Variants in NSUN6 observed in about 807,000 individuals in gnomAD.
NSUN6 encodes the protein tRNA (cytosine(72)-C(5))-methyltransferase NSUN6.
In NSUN6, 64 loss-of-function variants were observed where a neutral mutation model predicts 58.0. The ratio of observed to expected loss-of-function variants is 1.10; its 90% CI spans 0.90 to 1.36. The LOEUF (loss-of-function observed/expected upper bound fraction) is 1.36. Ranked by LOEUF, NSUN6 falls within the 40% of genes most tolerant of loss-of-function variation. The pLI, the probability that NSUN6 is intolerant of heterozygous loss-of-function variation, is 0.00. For missense variants in NSUN6, 701 were observed against 550.1 expected (o/e 1.27, Z -2.74); for synonymous variants, 231 against 193.9 (o/e 1.19, Z -1.59).
intron 6 of NSUN6, among the ~76,000 whole-genome samples, chr10:18,606,564 G>A (rs1397394984): frequency 2.0e-5 from 3 of 152,274 alleles, no homozygotes; most frequent in South Asian, 2.1e-4. Context: ...CATTCATAAC[G>A]TAGTAACACA....
At chr10:18,653,882 A>C (rs1483978429), upstream of NSUN6, among the ~76,000 whole-genome samples, 3 of 152,210 alleles carry the variant, frequency 2.0e-5, no homozygotes, top group Non-Finnish European at 4.4e-5. Flanking sequence ...TATGGGCGAC[A>C]TGGCTCCCCA....
chr10:18,568,555 C>A (rs1055946825), intron 8 of NSUN6, among the ~76,000 whole-genome samples: 3 of 149,580 alleles, frequency 2.0e-5, no homozygotes, highest in East Asian at 4.0e-4. Flanking sequence ...CCAATCCATT[C>A]TCCTTTCCAT....
intron 2 of NSUN6, among the ~76,000 whole-genome samples, chr10:18,644,862 A>C (rs1447163266): frequency 6.8e-6 from 1 of 147,524 alleles, no homozygotes; most frequent in Non-Finnish European, 1.5e-5. Flanking sequence ...AAAAAAAAAA[A>C]CTGAAAACGT....
chr10:18,610,128 C>T (rs1435048420), intron 5 of NSUN6, among the ~76,000 whole-genome samples: 2 of 151,768 alleles, frequency 1.3e-5, no homozygotes, highest in South Asian at 2.1e-4. Context: ...AAGACCAGCC[C>T]GACCAACATG....
rs2133363159 is a variant in NSUN6, at chr10:18,545,781, C to T, written c.*152G>A. On this transcript the variant is annotated 3_prime_UTR_variant, in exon 11 of 11. Transcript: ENST00000377304. The stretch of plus-strand genomic sequence containing the variant: ...ATACCACCCCCTACTTCCTCTATGT[C>T]TCTGGATCCCTGGTAAAACAGCTGG... 1.6e-6 allele frequency: 1 copy of T among 627,674 alleles called. No homozygotes were observed. The highest frequency in any genetic ancestry group is 1.9e-5 in the South Asian group (1 of 51,742). 38.9% of individuals were successfully genotyped at this position (627,674 alleles called of 1,614,324 possible).
In NSUN6 at chr10:18,556,830, T is replaced by C. The variant is rs191176420; in HGVS notation, c.923-4859A>G. 1.2e-4 allele frequency among the ~76,000 whole-genome samples: 18 copies of C among 144,068 alleles called. No homozygotes were observed. The East Asian group carries it at 3.1e-3, about 25-fold the overall frequency. The allele number at this position is 144,068 out of a possible 152,430, so 94.5% of individuals were successfully genotyped here. ...AACTGAAATGGAGAGTGGAATGCAA[T>C]GGAGAATGCAAGGGAATGGAATGGA... On this transcript the variant is annotated intron_variant, in intron 8 of 10. Coordinates refer to ENST00000377304, the MANE Select transcript of NSUN6 (RefSeq NM_182543.5).
intron 6 of NSUN6, among the ~76,000 whole-genome samples, chr10:18,604,682 A>G (rs11015099): frequency 0.52 from 79,080 of 151,430 alleles, 21,298 homozygotes; most frequent in East Asian, 0.97. Context: ...TCAGGAGTTC[A>G]AGACCAGCCT....
intron 8 of NSUN6, among the ~76,000 whole-genome samples, chr10:18,585,109 G>C (rs1489843264): frequency 6.6e-6 from 1 of 151,474 alleles, no homozygotes; most frequent in Non-Finnish European, 1.5e-5. Context: ...AAAACAACGA[G>C]ATGTCACCTC....
intron 2 of NSUN6, among the ~76,000 whole-genome samples, chr10:18,646,249 CACTT>C (rs752393275): frequency 6.2e-4 from 95 of 152,118 alleles, no homozygotes; most frequent in Non-Finnish European, 7.2e-4. Flanking sequence ...GGGGAGAAAA[CACTT>C]ACTTTTATAT....
At chr10:18,627,260 G>T (rs1590122056) in intron 3 of NSUN6, among the ~76,000 whole-genome samples, 2 of 152,272 alleles carry the variant, frequency 1.3e-5, no homozygotes, top group East Asian at 3.9e-4. Context: ...ATGCATTACT[G>T]TTAAAATTGT....
intron 8 of NSUN6, among the ~76,000 whole-genome samples, chr10:18,559,402 G>A (rs975927711): frequency 2.7e-5 from 4 of 146,336 alleles, no homozygotes; most frequent in Non-Finnish European, 6.2e-5. Flanking sequence ...AAAGGAATGG[G>A]GAATGGAATG....
In NSUN6 at chr10:18,651,345, G is replaced by A; in HGVS notation, c.-142C>T. The A allele has an allele frequency of 7.2e-7, 1 of 1,388,720 alleles. No homozygotes were observed. Among genetic ancestry groups the A allele is most frequent in the African/African-American group, 1.5e-5 (1 of 67,196 alleles). 86.0% of individuals were successfully genotyped at this position (1,388,720 alleles called of 1,614,324 possible). On this transcript the variant is annotated 5_prime_UTR_variant, in exon 1 of 11. The change creates a premature stop within an existing upstream ORF in the 5' untranslated region. Coordinates refer to ENST00000377304, the MANE Select transcript of NSUN6 (RefSeq NM_182543.5). ...TTGCCGATCACGCTGAGTTAATTTCGGAAATGCAGAGGTACACGCTTTCTC... is the reference window on the plus strand; with the variant it reads ...TTGCCGATCACGCTGAGTTAATTTCAGAAATGCAGAGGTACACGCTTTCTC...
chr10:18,617,153 CAAT>C (rs759407342), intron 3 of NSUN6, among the ~76,000 whole-genome samples: 109 of 151,454 alleles, frequency 7.2e-4, no homozygotes, highest in Non-Finnish European at 1.1e-3. Flanking sequence ...CTCACAAAAA[CAAT>C]CCACAAATTC....
chr10:18,628,144 G>C lies in NSUN6; in HGVS notation c.312-11851C>G, dbSNP rs558978581. Among the ~76,000 whole-genome samples, 257 of 152,272 alleles carry C rather than the reference G, an allele frequency of 1.7e-3. 3 individuals carry two copies. The highest frequency in any genetic ancestry group is 5.1e-3 in the African/African-American group (211 of 41,548). On this transcript the variant is annotated intron_variant, in intron 3 of 10. Coordinates refer to ENST00000377304, the MANE Select transcript of NSUN6 (RefSeq NM_182543.5). ...TGGGAGGCACCCCCAAGCAGGGGCA[G>C]ACTGACACCTCACACGGTCAGGTAC... is the stretch of plus-strand genomic sequence containing the variant.
chr10:18,614,383 A>C, intron 5 of NSUN6, 77 bp downstream of exon 5: 1 of 879,160 alleles, frequency 1.1e-6, no homozygotes, highest in Non-Finnish European at 1.6e-6. Context: ...ATGCAACTAG[A>C]TACATTTTAC....
intron 3 of NSUN6, among the ~76,000 whole-genome samples, chr10:18,619,566 C>G (rs956555516): frequency 1.6e-4 from 25 of 152,270 alleles, no homozygotes; most frequent in African/African-American, 5.1e-4. Flanking sequence ...TTCCTAACCT[C>G]TAATATATCA....
intron 8 of NSUN6, among the ~76,000 whole-genome samples, chr10:18,576,768 C>T (rs943802671): frequency 2.0e-5 from 3 of 152,142 alleles, no homozygotes; most frequent in African/African-American, 4.8e-5. Flanking sequence ...TGTTCGTCCC[C>T]GAGCAGATTG....
At chr10:18,589,856 C>T (rs771260994) in intron 7 of NSUN6, among the ~76,000 whole-genome samples, 13 of 151,984 alleles carry the variant, frequency 8.6e-5, no homozygotes, top group South Asian at 4.1e-4. Flanking sequence ...TCAACTAACG[C>T]GCAAAATAAC....
At chr10:18,604,486 T>A (rs1166476773) in intron 6 of NSUN6, among the ~76,000 whole-genome samples, 3 of 152,198 alleles carry the variant, frequency 2.0e-5, no homozygotes, top group Non-Finnish European at 4.4e-5. Context: ...CCAAATTTCC[T>A]GGGAACTTGT....
Sources: allele counts gnomAD v4.1 joint callset (sites outside exome capture counted in the v4.1 genomes callset), GRCh38; gene constraint gnomAD v4.1.1; transcripts MANE v1.5; gene names NCBI Gene and HGNC (gene_info 2026-07-23, HGNC 2026-07-21).